Variants in MRPS27 observed in about 807,000 individuals in gnomAD.
MRPS27 encodes small ribosomal subunit protein mS27.
MRPS27 carries 43 observed loss-of-function variants against 48.9 expected under a neutral mutation model. The ratio of observed to expected loss-of-function variants is 0.88; its 90% CI spans 0.69 to 1.13. The LOEUF is 1.13. MRPS27 is among the 50% of genes most tolerant of loss of function. The pLI is 0.00. For missense variants in MRPS27, 467 were observed against 476.3 expected (o/e 0.98, Z 0.18); for synonymous variants, 188 against 171.9 (o/e 1.09, Z -0.73).
At chr5:72,251,751 A>C (rs1235001152) in intron 4 of MRPS27, among the ~76,000 whole-genome samples, 1 of 152,204 alleles carries the variant, frequency 6.6e-6, no homozygotes, top group East Asian at 1.9e-4. Context: ...GCAAGAGCTC[A>C]GAAGAAGAAA....
intron 2 of MRPS27, among the ~76,000 whole-genome samples, chr5:72,305,707 G>A (rs537316067): frequency 3.3e-4 from 50 of 152,306 alleles, no homozygotes; most frequent in Admixed American, 4.6e-4. Context: ...TTGTCAGAAA[G>A]ACTCAAGAAA....
At chr5:72,302,064 T>A (rs138742327) in intron 2 of MRPS27, among the ~76,000 whole-genome samples, 134 of 152,358 alleles carry the variant, frequency 8.8e-4, no homozygotes, top group African/African-American at 3.1e-3. Context: ...GACAACAGAC[T>A]ATATGGGAAA....
chr5:72,287,940 T>C (rs1204292895), intron 4 of MRPS27, among the ~76,000 whole-genome samples: 1 of 152,244 alleles, frequency 6.6e-6, no homozygotes, highest in Non-Finnish European at 1.5e-5. Context: ...CACGCATCTA[T>C]ACAAAGACTT....
chr5:72,281,563 G>A (rs1749533714), intron 4 of MRPS27, among the ~76,000 whole-genome samples: 1 of 152,202 alleles, frequency 6.6e-6, no homozygotes, highest in South Asian at 2.1e-4. Context: ...GTTTATGAGT[G>A]TAGCAGAATT....
intron 4 of MRPS27, among the ~76,000 whole-genome samples, chr5:72,268,926 A>G (rs1749166439): frequency 6.6e-6 from 1 of 152,226 alleles, no homozygotes; most frequent in Non-Finnish European, 1.5e-5. Flanking sequence ...GCAGGGGGTT[A>G]GTGTAAACAG....
intron 10 of MRPS27, among the ~76,000 whole-genome samples, chr5:72,222,001 C>T (rs1205463291): frequency 6.6e-6 from 1 of 152,162 alleles, no homozygotes; most frequent in Non-Finnish European, 1.5e-5. Context: ...ACCACACATC[C>T]CCATGTTCCA....
intron 2 of MRPS27, among the ~76,000 whole-genome samples, chr5:72,298,312 A>AT (rs1313785931): frequency 1.3e-5 from 2 of 152,208 alleles, no homozygotes; most frequent in African/African-American, 4.8e-5. Context: ...AGAAATGCAA[A>AT]TAAAAACCAC....
At chr5:72,307,701 G>A (rs138368188) in intron 2 of MRPS27, among the ~76,000 whole-genome samples, 107 of 152,120 alleles carry the variant, frequency 7.0e-4, no homozygotes, top group African/African-American at 2.5e-3. Flanking sequence ...GGCGTTAGAA[G>A]TCAGGATACC....
intron 2 of MRPS27, among the ~76,000 whole-genome samples, chr5:72,300,594 G>A (rs1750102704): frequency 6.6e-6 from 1 of 152,088 alleles, no homozygotes; most frequent in African/African-American, 2.4e-5. Context: ...ACATTGGCTG[G>A]TTTACTGAGG....
rs533838059 is a variant in MRPS27 at position 72,319,064 on chromosome 5, A to T, written c.73+1085T>A. Among the ~76,000 whole-genome samples, 103 of 152,170 alleles carry T rather than the reference A, an allele frequency of 6.8e-4. 1 individual carries two copies. Among genetic ancestry groups the T allele is most frequent in the Middle Eastern group, 3.4e-3 (1 of 294 alleles). ...GTTCCTAAAGAAGTGCGTGCTTTTT[A>T]AAAAAATAGAGGATGGGAGGTAGGT... On this transcript the variant is annotated intron_variant, in intron 1 of 10. Transcript: ENST00000261413.
chr5:72,293,844 T>A (rs1749904671), intron 4 of MRPS27, among the ~76,000 whole-genome samples: 1 of 152,164 alleles, frequency 6.6e-6, no homozygotes, highest in South Asian at 2.1e-4. Flanking sequence ...CATTTTGCTA[T>A]AAATAAAAAT....
intron 4 of MRPS27, among the ~76,000 whole-genome samples, chr5:72,247,467 T>C (rs1322991827): frequency 6.6e-6 from 1 of 152,210 alleles, no homozygotes; most frequent in African/African-American, 2.4e-5. Flanking sequence ...TTTATTCCAC[T>C]AGCCTCCATT....
At chr5:72,260,506 A>C (rs986678868) in intron 4 of MRPS27, among the ~76,000 whole-genome samples, 26 of 152,244 alleles carry the variant, frequency 1.7e-4, no homozygotes, top group African/African-American at 6.0e-4. Context: ...GCTACGGTCT[A>C]AGTCAAACAA....
At chr5:72,269,722 T>C (rs1170333116) in intron 4 of MRPS27, among the ~76,000 whole-genome samples, 1 of 152,218 alleles carries the variant, frequency 6.6e-6, no homozygotes, top group African/African-American at 2.4e-5. Context: ...GATATGTGTA[T>C]GCATGGATTT....
At chr5:72,255,881 C>A (rs994652595) in intron 4 of MRPS27, among the ~76,000 whole-genome samples, 1 of 152,128 alleles carries the variant, frequency 6.6e-6, no homozygotes, top group Admixed American at 6.5e-5. Flanking sequence ...AACTTTGAAC[C>A]AACAACTGGG....
intron 4 of MRPS27, among the ~76,000 whole-genome samples, chr5:72,271,518 A>G (rs954478473): frequency 2.0e-5 from 3 of 152,192 alleles, no homozygotes; most frequent in Non-Finnish European, 2.9e-5. Context: ...AACACTCACA[A>G]ATGGCCTAGG....
chr5:72,262,534 C>T (rs1264798902), intron 4 of MRPS27, among the ~76,000 whole-genome samples: 1 of 152,058 alleles, frequency 6.6e-6, no homozygotes, highest in African/African-American at 2.4e-5. Context: ...GGCAGGACCA[C>T]TTTTAGACTG....
intron 8 of MRPS27, chr5:72,227,561 G>A (rs1747935130): frequency 6.6e-6 from 1 of 152,172 alleles, no homozygotes; most frequent in South Asian, 2.1e-4. Flanking sequence ...AACTACTTAA[G>A]AGACGATGGG....
chr5:72,251,526 T>C lies in MRPS27; in HGVS notation c.282-13398A>G, dbSNP rs566788663. Among the ~76,000 whole-genome samples the C allele has an allele frequency of 3.9e-5, 6 of 152,322 alleles. No homozygotes were observed. In the East Asian group the frequency reaches 1.2e-3, roughly 29 times the overall value. ...TTCCACATGCTTGGCAAGGCACTGT[T>C]ATAATACAATGGGGATTATACTGGT... On this transcript the variant is annotated intron_variant, in intron 4 of 10. Coordinates refer to ENST00000261413, the MANE Select transcript of MRPS27 (RefSeq NM_015084.3).
Sources: allele counts gnomAD v4.1 joint callset (sites outside exome capture counted in the v4.1 genomes callset), GRCh38; gene constraint gnomAD v4.1.1; transcripts MANE v1.5; gene names NCBI Gene and HGNC (gene_info 2026-07-23, HGNC 2026-07-21).